Variants in CNTNAP4 observed in about 807,000 individuals in gnomAD.
CNTNAP4 encodes the protein contactin-associated protein-like 4.
A neutral mutation model predicts 148.4 loss-of-function variants in CNTNAP4; 98 were observed. That is an observed-to-expected ratio of 0.66 (90% CI 0.56 to 0.78). The LOEUF is 0.78. Ranked by LOEUF, CNTNAP4 falls within the 30% of genes least tolerant of loss-of-function variation. The probability of loss-of-function intolerance (pLI) is 0.00; values close to 1 mark genes in which losing one functional copy is unlikely to be tolerated. For synonymous variants in CNTNAP4, 730 were observed against 565.1 expected (o/e 1.29, Z -4.14); for missense variants, 1,935 against 1,565.6 (o/e 1.24, Z -3.98).
intron 1 of CNTNAP4, 119 bp downstream of exon 1, chr16:76,277,866 C>A (rs1266353997): frequency 7.2e-6 from 5 of 691,712 alleles, no homozygotes; most frequent in Admixed American, 2.2e-5. Context: ...TGCTGTAAAC[C>A]AAGCATCACT....
At chr16:76,551,404 A>T (rs12920766) in intron 21 of CNTNAP4, among the ~76,000 whole-genome samples, 6,342 of 139,420 alleles carry the variant, frequency 0.045, 247 homozygotes, top group African/African-American at 0.11. Context: ...TTAAAAAAAA[A>T]ATATATATAT....
intron 1 of CNTNAP4, among the ~76,000 whole-genome samples, chr16:76,290,881 G>A (rs1325606472): frequency 6.6e-6 from 1 of 152,174 alleles, no homozygotes; most frequent in Non-Finnish European, 1.5e-5. Context: ...ATCTAGGTTG[G>A]TTTTTGGTGT....
At chr16:76,484,759 C>T (rs1295849846) in intron 12 of CNTNAP4, among the ~76,000 whole-genome samples, 2 of 152,130 alleles carry the variant, frequency 1.3e-5, no homozygotes, top group South Asian at 4.2e-4. Flanking sequence ...GAAGAGTTAC[C>T]TTCTATCAAT....
chr16:76,521,774 TAGGAAA>T (rs1568490873), intron 16 of CNTNAP4, among the ~76,000 whole-genome samples: 2 of 151,150 alleles, frequency 1.3e-5, no homozygotes. Context: ...TTTTTATCGA[TAGGAAA>T]AATTAGCTCT....
At chr16:76,291,722 CATAA>C (rs1443047137) in intron 1 of CNTNAP4, among the ~76,000 whole-genome samples, 4 of 152,166 alleles carry the variant, frequency 2.6e-5, no homozygotes, top group Non-Finnish European at 5.9e-5. Context: ...ACAAATAAAA[CATAA>C]ATAAAGCAAA....
intron 17 of CNTNAP4, among the ~76,000 whole-genome samples, chr16:76,527,437 A>G (rs1299578687): frequency 1.3e-5 from 2 of 152,182 alleles, no homozygotes; most frequent in African/African-American, 4.8e-5. Flanking sequence ...TGCAAGTTCA[A>G]GAATTTAATT....
chr16:76,500,406 C>A (rs2082586419), intron 15 of CNTNAP4, among the ~76,000 whole-genome samples: 1 of 152,242 alleles, frequency 6.6e-6, no homozygotes, highest in Admixed American at 6.5e-5. Context: ...CTGGGCATCT[C>A]AACTTGATTA....
chr16:76,528,701 AGTGAAACT>A (rs2083846414), intron 17 of CNTNAP4, among the ~76,000 whole-genome samples: 1 of 152,236 alleles, frequency 6.6e-6, no homozygotes, highest in African/African-American at 2.4e-5. Context: ...CACATCTCAG[AGTGAAACT>A]GTGAGGAAAG....
intron 14 of CNTNAP4, among the ~76,000 whole-genome samples, chr16:76,497,593 A>T (rs7195102): frequency 6.6e-6 from 1 of 151,256 alleles, no homozygotes; most frequent in African/African-American, 2.4e-5. Context: ...AATAACACAG[A>T]AACAGAAAAC....
chr16:76,449,777 T>A lies in CNTNAP4; in HGVS notation c.990T>A (p.His330Gln), dbSNP rs146616035. Residue 330 changes from histidine (H) to glutamine (Q), a missense_variant, in exon 7 of 24, where the codon CAT becomes CAA. By Grantham distance (24) the His-to-Gln change is conservative. Coordinates refer to ENST00000611870, the MANE Select transcript of CNTNAP4 (RefSeq NM_033401.5). ...TGTCATTCCCACATAGAAATTTTCA[T>A]GGATGTTTAGAAAATCTCTATTATA... is the stretch of plus-strand genomic sequence containing the variant. Reference protein sequence around the residue: ...KSVSFPHRNFHGCLENLYYNG... With the variant: ...KSVSFPHRNFQGCLENLYYNG... The A allele has an allele frequency of 6.3e-7, 1 of 1,599,124 alleles. No homozygotes were observed. Among genetic ancestry groups the A allele is most frequent in the Non-Finnish European group, 8.5e-7 (1 of 1,172,034 alleles).
chr16:76,304,671 T>C (rs148489667), intron 1 of CNTNAP4, among the ~76,000 whole-genome samples: 1 of 152,328 alleles, frequency 6.6e-6, no homozygotes, highest in East Asian at 1.9e-4. Flanking sequence ...ATGTGAGGTC[T>C]CATCACTAAA....
At chr16:76,460,532 C>G (rs1414103747) in intron 8 of CNTNAP4, among the ~76,000 whole-genome samples, 1 of 147,238 alleles carries the variant, frequency 6.8e-6, no homozygotes, top group African/African-American at 2.5e-5. Context: ...GAAGCCGAGG[C>G]GGGTGGATCA....
At chr16:76,519,748 T>C (rs1310622222) in intron 15 of CNTNAP4, among the ~76,000 whole-genome samples, 2 of 152,054 alleles carry the variant, frequency 1.3e-5, no homozygotes, top group African/African-American at 4.8e-5. Context: ...TAATATATGG[T>C]TTCATTTGAC....
intron 21 of CNTNAP4, among the ~76,000 whole-genome samples, chr16:76,543,435 C>T (rs965935066): frequency 2.0e-5 from 3 of 152,118 alleles, no homozygotes; most frequent in Non-Finnish European, 4.4e-5. Context: ...TAGTCCAGGT[C>T]CTCCAAACAA....
At chr16:76,551,205 GT>G (rs550682894) in intron 21 of CNTNAP4, among the ~76,000 whole-genome samples, 147 of 152,142 alleles carry the variant, frequency 9.7e-4, no homozygotes, top group African/African-American at 3.1e-3. Context: ...GAGGCCAGGA[GT>G]TCAAGACCAG....
chr16:76,281,451 G>A (rs146010989), intron 1 of CNTNAP4, among the ~76,000 whole-genome samples: 12 of 152,022 alleles, frequency 7.9e-5, no homozygotes, highest in Admixed American at 2.6e-4. Context: ...TCTGATAAAG[G>A]CAGCCTCTAG....
At chr16:76,464,107 C>T (rs2081086683) in intron 9 of CNTNAP4, among the ~76,000 whole-genome samples, 1 of 152,164 alleles carries the variant, frequency 6.6e-6, no homozygotes. Context: ...AGAAGACCTG[C>T]TGCCAAACTC....
At chr16:76,387,842 A>G (rs532581203) in intron 3 of CNTNAP4, among the ~76,000 whole-genome samples, 53 of 152,350 alleles carry the variant, frequency 3.5e-4, no homozygotes, top group Non-Finnish European at 7.1e-4. Flanking sequence ...GCTGTGCTCA[A>G]TAAATGTAAA....
At chr16:76,310,520 G>A (rs1163342348) in intron 1 of CNTNAP4, among the ~76,000 whole-genome samples, 1 of 152,126 alleles carries the variant, frequency 6.6e-6, no homozygotes, top group African/African-American at 2.4e-5. Context: ...ATTTGGAATA[G>A]GTCTAAATAA....
Sources: gnomAD v4.1 joint callset for allele counts (sites outside exome capture counted in the v4.1 genomes callset) on GRCh38, gnomAD v4.1.1 for gene constraint, MANE v1.5 for transcripts, NCBI Gene and HGNC (gene_info 2026-07-23, HGNC 2026-07-21) for gene names.